The following RASSF7 variants were observed in gnomAD, a reference collection of about 807,000 sequenced individuals.
The protein encoded by RASSF7 is ras association domain-containing protein 7.
In RASSF7, 41 loss-of-function variants were observed where a neutral mutation model predicts 33.8. The observed-to-expected ratio is 1.21, with a 90% CI of 0.95 to 1.57. RASSF7 has a LOEUF of 1.57. RASSF7 is among the 40% of genes most tolerant of loss of function. The pLI is 0.00. For missense variants in RASSF7, 622 were observed against 497.0 expected, an observed-to-expected ratio of 1.25 and a Z score of -2.39; for synonymous variants, 298 against 212.8, an observed-to-expected ratio of 1.40 and a Z score of -3.48.
chr11:561,563 G>A, intron 1 of RASSF7, 86 bp downstream of exon 1: 11 of 1,400,500 alleles, frequency 7.9e-6, no homozygotes, highest in South Asian at 1.5e-5. Flanking sequence ...CTGGTGAAGT[G>A]GGGGAGGATG....
Position 563,235 on chromosome 11 carries a change from G to A in RASSF7, c.869G>A (p.Cys290Tyr), listed in dbSNP as rs765979252. The change falls in exon 4 of 6, where the codon TGC becomes TAC. Residue 290 changes from cysteine (C) to tyrosine (Y), a missense_variant. Transcript: ENST00000397583. Reference sequence around the variant, plus strand: ...GAGCTGAACCGAGAGCTCCGTCAGTGCAACCTGCAGCAGTTCATCCAGCAG... The same window carrying A: ...GAGCTGAACCGAGAGCTCCGTCAGTACAACCTGCAGCAGTTCATCCAGCAG... ...LEELNRELRQCNLQQFIQQTG... is the reference protein window; with the variant it reads ...LEELNRELRQYNLQQFIQQTG... The A allele has an allele frequency of 1.2e-6, 2 of 1,608,076 alleles. No homozygotes were observed. The highest frequency in any genetic ancestry group is 1.7e-5 in the Admixed American group (1 of 59,634).
chr11:563,645 A>G lies in RASSF7; in HGVS notation c.1122A>G (p.Ter374TrpextTer?). ...CPLAAQPQAL[*>W] is the part of the protein sequence containing the mutation. The stretch of plus-strand genomic sequence containing the variant: ...TGGCAGCCCAGCCCCAGGCTCTGTG[A>G]CAGCCTAGTGAGGGCTGCAAGACCA... Residue 374 changes from the stop codon to tryptophan, a stop_lost, in exon 6 of 6, where the codon TGA becomes TGG. Transcript: ENST00000397583. 6.2e-7 allele frequency: 1 copy of G among 1,608,284 alleles called. No homozygotes were observed. Among genetic ancestry groups the G allele is most frequent in the South Asian group, 1.1e-5 (1 of 90,830 alleles).
At chr11:561,629 C>T (rs1332206060) in intron 1 of RASSF7, 133 bp from the exon 2 acceptor site, 35 of 1,443,624 alleles carry the variant, frequency 2.4e-5, no homozygotes, top group Non-Finnish European at 3.0e-5. Context: ...GGGGCTGGCA[C>T]AGGAGGGTGG....
chr11:562,187 G>A lies in RASSF7; in HGVS notation c.233G>A (p.Ser78Asn), dbSNP rs777149071. Reference protein sequence around the residue: ...GAQATCGQFASDVQFVLRRTG... With the variant: ...GAQATCGQFANDVQFVLRRTG... ...CAGGCCACCTGCGGACAGTTTGCCA[G>A]CGATGTCCAGTTTGTCCTGAGGCGC... Residue 78 changes from serine (S) to asparagine (N), a missense_variant, in exon 3 of 6, where the codon AGC becomes AAC. Coordinates refer to ENST00000397583, the MANE Select transcript of RASSF7 (RefSeq NM_003475.4). The A allele has an allele frequency of 1.3e-6, 2 of 1,592,332 alleles. No individual in the cohort carries two copies. The highest frequency in any genetic ancestry group is 4.5e-5 in the East Asian group (2 of 44,646).
At chr11:561,720 G>A (rs773419081) in intron 1 of RASSF7, 42 bp from the exon 2 acceptor site, 6 of 1,611,284 alleles carry the variant, frequency 3.7e-6, no homozygotes, top group East Asian at 2.2e-5. Context: ...CCTGCGATAG[G>A]AGTAGGCAGG....
chr11:562,664 C>T lies in RASSF7; in HGVS notation c.710C>T (p.Ala237Val). 5 of 1,543,832 alleles carry T rather than the reference C, an allele frequency of 3.2e-6. No individual in the cohort carries two copies. The highest frequency in any genetic ancestry group is 4.4e-6 in the Non-Finnish European group (5 of 1,146,848). ...GGGCCCCCCTCACCTATGGCATCTG[C>T]CACTGAGCGCCTGCACCAGGACCTG... ...APGPPSPMAS[A>V]TERLHQDLAV... The change falls in exon 3 of 6, where the codon GCC becomes GTC. Residue 237 changes from alanine to valine, a missense_variant. By Grantham distance (64) the Ala-to-Val change is moderately conservative (BLOSUM62 0). Transcript: ENST00000397583.
chr11:561,916 G>A (rs773234037), intron 2 of RASSF7, 24 bp downstream of exon 2: 54 of 1,612,440 alleles, frequency 3.3e-5, no homozygotes, highest in Non-Finnish European at 4.3e-5. Flanking sequence ...GGGTCAGGCA[G>A]GCCGGGCAGG....
At position 563,497 on chromosome 11, in the gene RASSF7, T is replaced by TCC. The variant is rs1564825241; in HGVS notation, c.1034+23_1034+24dup. The TCC allele has an allele frequency of 6.2e-7, 1 of 1,607,920 alleles. No homozygotes were observed. Among genetic ancestry groups the TCC allele is most frequent in the Non-Finnish European group, 8.5e-7 (1 of 1,178,248 alleles). On this transcript the variant is annotated intron_variant, in intron 5 of 5. Coordinates refer to ENST00000397583, the MANE Select transcript of RASSF7 (RefSeq NM_003475.4). ...CCCGAGGGTATGTCTGTGCCCCACC[T>TCC]CCCCCTGGGGCACCGGGCCCTCCTG...
At position 561,218 on chromosome 11, in the gene RASSF7, GCTTCGGTGCCCGCGGCGGGGACCGGGA is replaced by G; in HGVS notation, c.-263_-237del. 1 of 985,156 alleles carries G rather than the reference GCTTCGGTGCCCGCGGCGGGGACCGGGA, an allele frequency of 1.0e-6. No homozygotes were observed. Among genetic ancestry groups the G allele is most frequent in the South Asian group, 4.7e-5 (1 of 21,376 alleles). The allele number at this position is 985,156 out of a possible 1,614,324, so 61.0% of individuals were successfully genotyped here. Reference sequence around the variant, plus strand: ...CCGCCAGGCTGGGGTCGCGGCGCGGGCTTCGGTGCCCGCGGCGGGGACCGGGACTTTCGGGGCGAGCGCAGCGATTAG... The same window carrying G: ...CCGCCAGGCTGGGGTCGCGGCGCGGGCTTTCGGGGCGAGCGCAGCGATTAG... On this transcript the variant is annotated 5_prime_UTR_variant, in exon 1 of 6. Transcript: ENST00000397583.
rs202139378 is a variant in RASSF7, at chr11:563,554, G to A, written c.1035-4G>A. 2.2e-5 allele frequency: 35 copies of A among 1,611,844 alleles called. No individual in the cohort carries two copies. The highest frequency in any genetic ancestry group is 1.7e-4 in the Middle Eastern group (1 of 6,038). ...CAGCCACCTCAGCCTGTGTCCTCCC[G>A]CAGTGGCCCCCATGACGCAGAACTC... On this transcript the variant is annotated splice_polypyrimidine_tract_variant and splice_region_variant and intron_variant, in intron 5 of 5. Coordinates refer to ENST00000397583, the MANE Select transcript of RASSF7 (RefSeq NM_003475.4).
At position 563,768 on chromosome 11, in the gene RASSF7, G is replaced by T. The variant is rs574340079; in HGVS notation, c.*123G>T. The T allele has an allele frequency of 2.2e-6, 2 of 914,284 alleles. No individual in the cohort carries two copies. Among genetic ancestry groups the T allele is most frequent in the Non-Finnish European group, 3.3e-6 (2 of 609,640 alleles). The allele number at this position is 914,284 out of a possible 1,614,324, so 56.6% of individuals were successfully genotyped here. The stretch of plus-strand genomic sequence containing the variant: ...TTTGGCCTCAGGAGCTGGGGGTGCA[G>T]TGGGGGACTGCCCTAGTCCTTGCCA... On this transcript the variant is annotated 3_prime_UTR_variant, in exon 6 of 6. Coordinates refer to ENST00000397583, the MANE Select transcript of RASSF7 (RefSeq NM_003475.4).
Position 562,189 on chromosome 11 carries a change from G to A in RASSF7, c.235G>A (p.Asp79Asn), listed in dbSNP as rs765680869. The change falls in exon 3 of 6, where the codon GAT (aspartate) becomes AAT (asparagine). Residue 79 changes from aspartate (D) to asparagine (N), a missense_variant. Coordinates refer to ENST00000397583, the MANE Select transcript of RASSF7 (RefSeq NM_003475.4). ...GGCCACCTGCGGACAGTTTGCCAGC[G>A]ATGTCCAGTTTGTCCTGAGGCGCAC... ...AQATCGQFAS[D>N]VQFVLRRTGP... 1.1e-5 allele frequency: 18 copies of A among 1,593,370 alleles called. No homozygotes were observed. The highest frequency in any genetic ancestry group is 4.0e-5 in the African/African-American group (3 of 74,324).
chr11:563,930 A>G lies in RASSF7; in HGVS notation c.*285A>G. 1 of 547,168 alleles carries G rather than the reference A, an allele frequency of 1.8e-6. No individual in the cohort carries two copies. Among genetic ancestry groups the G allele is most frequent in the Non-Finnish European group, 3.2e-6 (1 of 308,520 alleles). The allele number at this position is 547,168 out of a possible 1,614,324, so 33.9% of individuals were successfully genotyped here. A position where few individuals can be genotyped will look rare whatever the true frequency, so the allele number is the denominator to read the frequency against. On this transcript the variant is annotated 3_prime_UTR_variant, in exon 6 of 6. Coordinates refer to ENST00000397583, the MANE Select transcript of RASSF7 (RefSeq NM_003475.4). ...CTGTGGGCATGTGCTTGCCTGCGGG[A>G]GAGGTCCTTCACTGTGTGTACACAG...
intron 3 of RASSF7, 71 bp from the exon 4 acceptor site, chr11:563,118 G>C: frequency 2.8e-6 from 4 of 1,428,482 alleles, no homozygotes; most frequent in Non-Finnish European, 3.8e-6. Flanking sequence ...ACCAGGGAAA[G>C]TGCTCCCTCC....
Position 562,507 on chromosome 11 carries a change from C to CGGGA in RASSF7, c.555_558dup (p.Arg187GlyfsTer17). On this transcript the variant is annotated frameshift_variant, in exon 3 of 6. Coordinates refer to ENST00000397583, the MANE Select transcript of RASSF7 (RefSeq NM_003475.4). LOFTEE classifies it high-confidence loss of function. ...GCAAGAGCTGCGCCGGGAGCAGGCC[C>CGGGA]GGGAGCGAGAGGGACAGGCACGCCT... 1 of 1,549,752 alleles carries CGGGA rather than the reference C, an allele frequency of 6.5e-7. No homozygotes were observed. Among genetic ancestry groups the CGGGA allele is most frequent in the Non-Finnish European group, 8.7e-7 (1 of 1,146,898 alleles).
intron 1 of RASSF7, 51 bp from the exon 2 acceptor site, chr11:561,711 C>G (rs867131154): frequency 1.2e-6 from 2 of 1,608,396 alleles, no homozygotes; most frequent in African/African-American, 1.3e-5. Context: ...GAGGACCAGC[C>G]TGCGATAGGA....
Position 562,257 on chromosome 11 carries a change from A to C in RASSF7, c.303A>C (p.Pro101=), listed in dbSNP as rs776548958. 1.2e-6 allele frequency: 2 copies of C among 1,612,660 alleles called. No individual in the cohort carries two copies. The highest frequency in any genetic ancestry group is 1.7e-6 in the Non-Finnish European group (2 of 1,179,906). The stretch of plus-strand genomic sequence containing the variant: ...GGAGGCCCTCCTCAGACAGCTGTCC[A>C]CCCCCGGAACGCTGCCTAATTCGTG... The part of the protein sequence containing the change: ...LAGRPSSDSC[P]PPERCLIRAS... The change falls in exon 3 of 6, where the codon CCA becomes CCC. Residue 101 remains proline (P), a synonymous_variant. Coordinates refer to ENST00000397583, the MANE Select transcript of RASSF7 (RefSeq NM_003475.4).
chr11:562,572 G>T lies in RASSF7; in HGVS notation c.618G>T (p.Arg206=). ...LSAATAEHAA[R]LQALDAQARA... is the part of the protein sequence containing the mutation. ...CGGCCACTGCTGAGCATGCCGCCCG[G>T]CTGCAGGCCCTGGACGCTCAGGCCC... The change falls in exon 3 of 6, where the codon CGG becomes CGT. Residue 206 remains arginine, a synonymous_variant. Coordinates refer to ENST00000397583, the MANE Select transcript of RASSF7 (RefSeq NM_003475.4). The T allele has an allele frequency of 6.5e-7, 1 of 1,544,684 alleles. No individual in the cohort carries two copies. The highest frequency in any genetic ancestry group is 8.7e-7 in the Non-Finnish European group (1 of 1,146,424).
chr11:563,454 C>T lies in RASSF7; in HGVS notation c.1010C>T (p.Ala337Val), dbSNP rs1853436340. Residue 337 changes from alanine (A) to valine (V), a missense_variant, in exon 5 of 6, where the codon GCT becomes GTT. Coordinates refer to ENST00000397583, the MANE Select transcript of RASSF7 (RefSeq NM_003475.4). ...SLLGAPSESH[A>V]GAQPRPRGGP... Reference sequence around the variant, plus strand: ...CTGGGCGCTCCCTCTGAGTCCCATGCTGGTGCCCAGCCTAGGCCCCGAGGG... The same window carrying T: ...CTGGGCGCTCCCTCTGAGTCCCATGTTGGTGCCCAGCCTAGGCCCCGAGGG... 1.9e-6 allele frequency: 3 copies of T among 1,611,402 alleles called. No individual in the cohort carries two copies. Among genetic ancestry groups the T allele is most frequent in the South Asian group, 1.1e-5 (1 of 90,884 alleles).
Sources: allele counts gnomAD v4.1 joint callset, GRCh38; gene constraint gnomAD v4.1.1; transcripts MANE v1.5; gene names NCBI Gene and HGNC (gene_info 2026-07-23, HGNC 2026-07-21).